KCNMA1: variants seen among roughly 807,000 people sequenced by gnomAD.
The protein encoded by KCNMA1 is potassium calcium-activated channel subfamily M alpha 1.
A neutral mutation model predicts 140.0 loss-of-function variants in KCNMA1; 29 were observed. The ratio of observed to expected loss-of-function variants is 0.21; its 90% CI spans 0.15 to 0.28. The LOEUF is 0.28. Ranked by LOEUF, KCNMA1 falls within the 10% of genes least tolerant of loss-of-function variation. The pLI, the probability that KCNMA1 is intolerant of heterozygous loss-of-function variation, is 1.00. For synonymous variants in KCNMA1, 612 were observed against 611.9 expected, an observed-to-expected ratio of 1.00 and a Z score of 0.00; for missense variants, 880 against 1,602.2, an observed-to-expected ratio of 0.55 and a Z score of 7.70.
intron 1 of KCNMA1, among the ~76,000 whole-genome samples, chr10:77,595,007 C>A (rs1049340327): frequency 1.3e-5 from 2 of 152,110 alleles, no homozygotes; most frequent in Admixed American, 6.6e-5. Flanking sequence ...GAGTAGCTGC[C>A]TAGAAAATCT....
intron 1 of KCNMA1, among the ~76,000 whole-genome samples, chr10:77,437,466 T>C (rs1023449494): frequency 4.6e-5 from 7 of 152,226 alleles, no homozygotes; most frequent in African/African-American, 7.2e-5. Context: ...TGTAAATGTC[T>C]TTTAATGTTC....
At chr10:77,259,401 G>A (rs149080991) in intron 2 of KCNMA1, among the ~76,000 whole-genome samples, 1 of 152,064 alleles carries the variant, frequency 6.6e-6, no homozygotes, top group Non-Finnish European at 1.5e-5. Flanking sequence ...GCCATACTCT[G>A]TGTGCAATGG....
At chr10:77,382,990 GTGTGTATA>G (rs1429427542) in intron 2 of KCNMA1, among the ~76,000 whole-genome samples, 252 of 42,550 alleles carry the variant, frequency 5.9e-3, no homozygotes, top group African/African-American at 0.037. Flanking sequence ...GTGTGTGTGT[GTGTGTATA>G]TATATATATA....
intron 3 of KCNMA1, among the ~76,000 whole-genome samples, chr10:77,199,618 T>G (rs1056308718): frequency 7.9e-5 from 12 of 152,074 alleles, no homozygotes; most frequent in African/African-American, 2.9e-4. Flanking sequence ...TACTCAAATA[T>G]AAGTAAGAAG....
chr10:77,242,925 C>G (rs1387571771), intron 3 of KCNMA1, among the ~76,000 whole-genome samples: 1 of 151,854 alleles, frequency 6.6e-6, no homozygotes, highest in Non-Finnish European at 1.5e-5. Flanking sequence ...CACACACACA[C>G]ACACACACAC....
intron 1 of KCNMA1, among the ~76,000 whole-genome samples, chr10:77,577,367 T>G (rs7100919): frequency 1.3e-5 from 2 of 152,144 alleles, no homozygotes; most frequent in African/African-American, 4.8e-5. Flanking sequence ...TTAACTGCCA[T>G]GTAGTTGAAG....
At chr10:77,046,697 G>A (rs573851018) in intron 14 of KCNMA1, among the ~76,000 whole-genome samples, 1 of 152,296 alleles carries the variant, frequency 6.6e-6, no homozygotes, top group South Asian at 2.1e-4. Flanking sequence ...ACTTGCCCCA[G>A]TTTTTATCAA....
At chr10:77,483,368 T>C (rs1390813442) in intron 1 of KCNMA1, among the ~76,000 whole-genome samples, 1 of 152,188 alleles carries the variant, frequency 6.6e-6, no homozygotes, top group African/African-American at 2.4e-5. Flanking sequence ...CTGCCATCCC[T>C]ATTCATCACC....
chr10:77,232,789 T>C (rs1168901354), intron 3 of KCNMA1, among the ~76,000 whole-genome samples: 1 of 152,228 alleles, frequency 6.6e-6, no homozygotes, highest in African/African-American at 2.4e-5. Context: ...TAAATGTTTT[T>C]GCTCTCACAT....
chr10:77,428,602 T>G (rs576218176), intron 1 of KCNMA1, among the ~76,000 whole-genome samples: 1 of 152,244 alleles, frequency 6.6e-6, no homozygotes, highest in Admixed American at 6.5e-5. Context: ...TAATTAGTCA[T>G]GACAGTGCTT....
intron 17 of KCNMA1, among the ~76,000 whole-genome samples, chr10:77,013,255 GGGA>G (rs1478299215): frequency 6.6e-6 from 1 of 152,082 alleles, no homozygotes; most frequent in Non-Finnish European, 1.5e-5. Flanking sequence ...CTAAATCTCT[GGGA>G]CTCAGTGTCC....
chr10:77,020,838 C>T (rs1327436046), intron 16 of KCNMA1: 1 of 152,068 alleles, frequency 6.6e-6, no homozygotes, highest in Admixed American at 6.6e-5. Context: ...AATTTGGGTC[C>T]AAATTCCAAC....
intron 21 of KCNMA1, among the ~76,000 whole-genome samples, chr10:76,951,207 A>T (rs1043061148): frequency 6.6e-6 from 1 of 152,158 alleles, no homozygotes; most frequent in Admixed American, 6.5e-5. Context: ...TCGATCTGGG[A>T]TCAAAACACC....
intron 5 of KCNMA1, among the ~76,000 whole-genome samples, chr10:77,122,519 A>C (rs541334921): frequency 6.6e-6 from 1 of 152,190 alleles, no homozygotes; most frequent in African/African-American, 2.4e-5. Flanking sequence ...AAAACTAAGA[A>C]GTCACCTCAG....
At chr10:76,983,558 C>T (rs995032019) in intron 19 of KCNMA1, among the ~76,000 whole-genome samples, 1 of 151,942 alleles carries the variant, frequency 6.6e-6, no homozygotes, top group Admixed American at 6.6e-5. Flanking sequence ...GGCAAAACCC[C>T]GTCTCTAAAA....
chr10:76,962,418 G>A (rs538415850), intron 20 of KCNMA1, among the ~76,000 whole-genome samples: 11 of 152,268 alleles, frequency 7.2e-5, no homozygotes, highest in Non-Finnish European at 1.5e-4. Flanking sequence ...GCATCCTACA[G>A]TGGTCTCCCT....
intron 14 of KCNMA1, among the ~76,000 whole-genome samples, chr10:77,070,013 A>G (rs2096131536): frequency 6.6e-6 from 1 of 152,078 alleles, no homozygotes. Context: ...AAGGGATTTC[A>G]CCATGTTGGC....
intron 8 of KCNMA1, among the ~76,000 whole-genome samples, 183 bp downstream of exon 8, chr10:77,109,990 T>C (rs1342019068): frequency 6.6e-6 from 1 of 152,204 alleles, no homozygotes; most frequent in Non-Finnish European, 1.5e-5. Context: ...ATGGGACAAG[T>C]GTAATACACC....
At chr10:77,404,171 T>G (rs2096382920) in intron 1 of KCNMA1, 148 bp from the exon 2 acceptor site, 1 of 664,370 alleles carries the variant, frequency 1.5e-6, no homozygotes, top group Non-Finnish European at 2.6e-6. Context: ...AGGGGTAAAT[T>G]ATGCCTTTGA....
Sources: allele counts gnomAD v4.1 joint callset (sites outside exome capture counted in the v4.1 genomes callset), GRCh38; gene constraint gnomAD v4.1.1; transcripts MANE v1.5; gene names NCBI Gene and HGNC (gene_info 2026-07-23, HGNC 2026-07-21).